SENP7: variants seen among roughly 807,000 people sequenced by gnomAD.
SENP7 encodes the protein SUMO specific peptidase 7.
A neutral mutation model predicts 141.2 loss-of-function variants in SENP7; 64 were observed. The ratio of observed to expected loss-of-function variants is 0.45; its 90% CI spans 0.37 to 0.56. SENP7 has a LOEUF of 0.56. Ranked by LOEUF, SENP7 falls within the 20% of genes least tolerant of loss-of-function variation. The pLI is 0.00. For synonymous variants in SENP7, 382 were observed against 426.4 expected (o/e 0.90, Z 1.28); for missense variants, 1,025 against 1,212.2 (o/e 0.85, Z 2.29).
At chr3:101,357,525 A>T in intron 11 of SENP7, 2 of 1,420,232 alleles carry the variant, frequency 1.4e-6, no homozygotes, top group Non-Finnish European at 1.9e-6. Context: ...AGCATAAAAG[A>T]TTCTTTCCAA....
At chr3:101,340,380 C>A in intron 15 of SENP7, 169 bp from the exon 16 acceptor site, 1 of 793,948 alleles carries the variant, frequency 1.3e-6, no homozygotes, top group South Asian at 2.1e-5. Flanking sequence ...TTTATCCTCA[C>A]AAGCTACTAA....
At chr3:101,450,402 G>C (rs1279365239) in intron 4 of SENP7, among the ~76,000 whole-genome samples, 1 of 152,166 alleles carries the variant, frequency 6.6e-6, no homozygotes, top group African/African-American at 2.4e-5. Context: ...CCAATCAACA[G>C]AATATACATT....
chr3:101,499,656 C>T (rs1302704135), intron 2 of SENP7, among the ~76,000 whole-genome samples: 1 of 152,076 alleles, frequency 6.6e-6, no homozygotes, highest in Admixed American at 6.5e-5. Context: ...CTACCTCAGC[C>T]TCCCGAGTAG....
chr3:101,330,434 A>C (rs2059018761), intron 19 of SENP7, 48 bp from the exon 20 acceptor site: 2 of 1,294,372 alleles, frequency 1.5e-6, no homozygotes, highest in African/African-American at 3.0e-5. Flanking sequence ...GCATGTTTTT[A>C]TACAGGTAAC....
intron 3 of SENP7, among the ~76,000 whole-genome samples, chr3:101,469,248 T>A (rs2063882704): frequency 6.6e-6 from 1 of 151,976 alleles, no homozygotes; most frequent in African/African-American, 2.4e-5. Flanking sequence ...CCCAGATTCA[T>A]AAAGCAAGTC....
At chr3:101,330,481 C>T (rs1168172702) in intron 19 of SENP7, 95 bp from the exon 20 acceptor site, 5 of 691,330 alleles carry the variant, frequency 7.2e-6, no homozygotes, top group Non-Finnish European at 7.3e-6. Flanking sequence ...TATGCAGTTA[C>T]TGGATGCACA....
At chr3:101,403,646 G>A (rs988757993) in intron 5 of SENP7, among the ~76,000 whole-genome samples, 4 of 152,054 alleles carry the variant, frequency 2.6e-5, no homozygotes, top group African/African-American at 9.7e-5. Flanking sequence ...AATAAAAAGT[G>A]CTGCAACAAC....
intron 3 of SENP7, among the ~76,000 whole-genome samples, chr3:101,483,899 G>A (rs1252087849): frequency 6.6e-6 from 1 of 152,064 alleles, no homozygotes; most frequent in Non-Finnish European, 1.5e-5. Context: ...ATGGTGGCAG[G>A]TGCCTGTAAT....
chr3:101,442,211 A>C (rs2062702644), intron 4 of SENP7, among the ~76,000 whole-genome samples: 1 of 152,244 alleles, frequency 6.6e-6, no homozygotes, highest in Non-Finnish European at 1.5e-5. Flanking sequence ...TATGTATGAA[A>C]TGCCTGAAAA....
intron 3 of SENP7, among the ~76,000 whole-genome samples, chr3:101,484,743 C>G (rs1400171166): frequency 6.6e-6 from 1 of 152,158 alleles, no homozygotes; most frequent in Non-Finnish European, 1.5e-5. Context: ...GCTGCGTCCC[C>G]TAGCAAGCCA....
At chr3:101,365,594 C>G (rs554980099) in intron 9 of SENP7, among the ~76,000 whole-genome samples, 1 of 140,462 alleles carries the variant, frequency 7.1e-6, no homozygotes, top group Admixed American at 7.6e-5. Context: ...AAGATCGCAC[C>G]ACTGCACTCT....
chr3:101,460,220 T>C (rs2063503059), intron 3 of SENP7, among the ~76,000 whole-genome samples: 1 of 152,174 alleles, frequency 6.6e-6, no homozygotes, highest in Non-Finnish European at 1.5e-5. Context: ...TGATGATTAA[T>C]TGCTAGAGGC....
chr3:101,415,286 A>G (rs2061580874), intron 5 of SENP7, among the ~76,000 whole-genome samples: 2 of 152,228 alleles, frequency 1.3e-5, no homozygotes, highest in Non-Finnish European at 2.9e-5. Flanking sequence ...TCTTAAAATT[A>G]TTACATGCTG....
At chr3:101,487,550 A>G (rs939329355) in intron 3 of SENP7, among the ~76,000 whole-genome samples, 3 of 152,194 alleles carry the variant, frequency 2.0e-5, no homozygotes, top group African/African-American at 7.2e-5. Context: ...GATAACAAGA[A>G]GGGTATTTCC....
rs1003998824 is a variant in SENP7 at position 101,443,084 on chromosome 3, T to G, written c.284+15871A>C. ...CTTCTAGGGTTTTTATGGTTTTAGGTCAAACGTTTAAGTCTTTAATCCATC... is the reference window on the plus strand; with the variant it reads ...CTTCTAGGGTTTTTATGGTTTTAGGGCAAACGTTTAAGTCTTTAATCCATC... On this transcript the variant is annotated intron_variant, in intron 4 of 23. Coordinates refer to ENST00000394095, the MANE Select transcript of SENP7 (RefSeq NM_020654.5). 5.9e-5 allele frequency among the ~76,000 whole-genome samples: 9 copies of G among 152,308 alleles called. No individual in the cohort carries two copies. In the East Asian group the frequency reaches 1.7e-3, roughly 29 times the overall value.
chr3:101,364,228 A>AGAAAGAAAGAAAGAAAG (rs1553701926), intron 10 of SENP7, among the ~76,000 whole-genome samples: 1 of 148,664 alleles, frequency 6.7e-6, no homozygotes, highest in African/African-American at 2.5e-5. Context: ...CCTTGTCTCA[A>AGAAAGAAAGAAAGAAAG]AAAGAAAGAA....
intron 22 of SENP7, 127 bp downstream of exon 22, chr3:101,328,351 A>G (rs1442681091): frequency 1.7e-6 from 1 of 605,120 alleles, no homozygotes; most frequent in African/African-American, 1.9e-5. Context: ...GATTAAATTT[A>G]TAGGATTGTT....
At position 101,488,486 on chromosome 3, in the gene SENP7, C is replaced by T. The variant is rs79741549; in HGVS notation, c.186+5387G>A. On this transcript the variant is annotated intron_variant, in intron 3 of 23. Transcript: ENST00000394095. ...TCCTGAGAAAGAATGGGAGAGAATA[C>T]GCAAACTGGAAAATACATTTGAGGA... is the stretch of plus-strand genomic sequence containing the variant. Among the ~76,000 whole-genome samples, 334 of 152,232 alleles carry T rather than the reference C, an allele frequency of 2.2e-3. 6 individuals carry two copies. The East Asian group carries it at 0.024, about 11-fold the overall frequency.
At chr3:101,358,288 C>T in intron 11 of SENP7, 1 of 1,063,922 alleles carries the variant, frequency 9.4e-7, no homozygotes, top group Non-Finnish European at 1.3e-6. Flanking sequence ...AAGCTTTTAA[C>T]TGGTCCTCAG....
Sources: allele counts gnomAD v4.1 joint callset (sites outside exome capture counted in the v4.1 genomes callset), GRCh38; gene constraint gnomAD v4.1.1; transcripts MANE v1.5; gene names NCBI Gene and HGNC (gene_info 2026-07-23, HGNC 2026-07-21).